Variants in GABPA observed in about 807,000 individuals in gnomAD.
The protein encoded by GABPA is GA binding protein transcription factor subunit alpha, also known as GA-binding protein alpha chain.
GABPA carries 4 observed loss-of-function variants against 59.4 expected under a neutral mutation model. The ratio of observed to expected loss-of-function variants is 0.07; its 90% CI spans 0.03 to 0.15. GABPA has a LOEUF of 0.15. Among genes scored for constraint, GABPA ranks in the 10% least tolerant of loss-of-function variants. The pLI, the probability that GABPA is intolerant of heterozygous loss-of-function variation, is 1.00. For synonymous variants in GABPA, 164 were observed against 183.1 expected, an observed-to-expected ratio of 0.90 and a Z score of 0.84; for missense variants, 251 against 543.8, an observed-to-expected ratio of 0.46 and a Z score of 5.36.
intron 1 of GABPA, among the ~76,000 whole-genome samples, chr21:25,739,178 T>C (rs1339262612): frequency 1.3e-5 from 2 of 152,182 alleles, no homozygotes; most frequent in Non-Finnish European, 2.9e-5. Context: ...AATTAGATCA[T>C]TTTGTATCAG....
intron 6 of GABPA, among the ~76,000 whole-genome samples, chr21:25,761,266 A>G (rs1298141640): frequency 6.6e-6 from 1 of 152,194 alleles, no homozygotes. Context: ...CTCATGAGGC[A>G]GTAAGTATAG....
At chr21:25,759,190 C>T (rs539938840) in intron 6 of GABPA, among the ~76,000 whole-genome samples, 8 of 152,256 alleles carry the variant, frequency 5.3e-5, no homozygotes, top group South Asian at 4.1e-4. Context: ...GTTAAGACAC[C>T]GAAAGCAACC....
At chr21:25,739,065 C>T (rs2035152207) in intron 1 of GABPA, among the ~76,000 whole-genome samples, 1 of 152,258 alleles carries the variant, frequency 6.6e-6, no homozygotes, top group Admixed American at 6.5e-5. Context: ...GGAGCCTGCG[C>T]AGTCTGCTCC....
In GABPA at chr21:25,767,899, A is replaced by G. The variant is rs763235299; in HGVS notation, c.1137-1105A>G. ...TGTATATAGGTCAGTCCTTTCATTA[A>G]TAGACTCTTGATTAAGCCAAGTGAC... On this transcript the variant is annotated intron_variant, in intron 9 of 9. Transcript: ENST00000400075. 2.0e-5 allele frequency among the ~76,000 whole-genome samples: 3 copies of G among 152,256 alleles called. No individual in the cohort carries two copies. In the South Asian group the frequency reaches 6.2e-4, roughly 32 times the overall value.
At position 25,770,837 on chromosome 21, in the gene GABPA, C is replaced by G. The variant is rs529512419; in HGVS notation, c.*1605C>G. 6.6e-6 allele frequency: 1 copy of G among 152,016 alleles called. No individual in the cohort carries two copies. The highest frequency in any genetic ancestry group is 1.5e-5 in the Non-Finnish European group (1 of 67,892). The allele number at this position is 152,016 out of a possible 1,614,324, so 9.4% of individuals were successfully genotyped here. ...ATCTCTTTCTCTGGTAATCTTAATGCATAATTTTACTAAAACATGTTCTCA... is the reference window on the plus strand; with the variant it reads ...ATCTCTTTCTCTGGTAATCTTAATGGATAATTTTACTAAAACATGTTCTCA... On this transcript the variant is annotated 3_prime_UTR_variant, in exon 10 of 10. Coordinates refer to ENST00000400075, the MANE Select transcript of GABPA (RefSeq NM_002040.4).
At chr21:25,744,322 T>C (rs1568940966) in intron 2 of GABPA, among the ~76,000 whole-genome samples, 1 of 152,042 alleles carries the variant, frequency 6.6e-6, no homozygotes, top group Admixed American at 6.6e-5. Context: ...AGGGAGACTC[T>C]CTCTAAAATT....
chr21:25,745,421 CT>C, intron 3 of GABPA, 67 bp downstream of exon 3: 1 of 1,452,340 alleles, frequency 6.9e-7, no homozygotes, highest in Admixed American at 1.8e-5. Context: ...TTTTGTTAGC[CT>C]TTTCTTTATA....
intron 9 of GABPA, among the ~76,000 whole-genome samples, chr21:25,765,026 C>G (rs1432972521): frequency 2.0e-5 from 3 of 150,808 alleles, no homozygotes; most frequent in Non-Finnish European, 3.0e-5. Context: ...CTATAATACT[C>G]TGTCCCAAAA....
chr21:25,741,479 C>T (rs140725453), intron 1 of GABPA, 94 bp from the exon 2 acceptor site: 8 of 502,008 alleles, frequency 1.6e-5, no homozygotes, highest in Middle Eastern at 5.4e-4. Flanking sequence ...TTCTGCTTGG[C>T]GTTTGCTTTT....
intron 3 of GABPA, among the ~76,000 whole-genome samples, chr21:25,745,989 T>G (rs576705271): frequency 2.0e-5 from 3 of 151,868 alleles, no homozygotes; most frequent in Admixed American, 6.6e-5. Flanking sequence ...AAACATATGA[T>G]TAAATACTAG....
intron 1 of GABPA, among the ~76,000 whole-genome samples, chr21:25,736,631 C>T (rs907106111): frequency 5.3e-5 from 8 of 152,150 alleles, no homozygotes; most frequent in African/African-American, 1.9e-4. Context: ...TAGGTTGAAG[C>T]AAATCATCAG....
At chr21:25,751,231 T>G (rs1423473359) in intron 4 of GABPA, among the ~76,000 whole-genome samples, 1 of 149,936 alleles carries the variant, frequency 6.7e-6, no homozygotes, top group Non-Finnish European at 1.5e-5. Flanking sequence ...TTTCTTGGCT[T>G]AATTATAATT....
intron 2 of GABPA, 68 bp downstream of exon 2, chr21:25,741,743 G>A (rs2035226375): frequency 1.0e-6 from 1 of 981,898 alleles, no homozygotes; most frequent in Non-Finnish European, 1.6e-6. Flanking sequence ...CAGGAAACAA[G>A]TCATAGTTCT....
In GABPA at chr21:25,764,753, A is replaced by G; in HGVS notation, c.1102A>G (p.Thr368Ala). 2 of 1,603,298 alleles carry G rather than the reference A, an allele frequency of 1.2e-6. No individual in the cohort carries two copies. The highest frequency in any genetic ancestry group is 8.5e-7 in the Non-Finnish European group (1 of 1,176,896). ...ATGGGGACAGCGTAAAAATAAGCCT[A>G]CGATGAACTATGAGAAACTCAGTCG... ...QKWGQRKNKPTMNYEKLSRAL... is the reference protein window; with the variant it reads ...QKWGQRKNKPAMNYEKLSRAL... Residue 368 changes from threonine to alanine, a missense_variant, in exon 9 of 10, where the codon ACG (threonine) becomes GCG (alanine). Coordinates refer to ENST00000400075, the MANE Select transcript of GABPA (RefSeq NM_002040.4).
At chr21:25,760,486 A>T (rs953458317) in intron 6 of GABPA, among the ~76,000 whole-genome samples, 2 of 152,032 alleles carry the variant, frequency 1.3e-5, no homozygotes, top group African/African-American at 4.8e-5. Context: ...GTATGAGATT[A>T]TTCACCTGAG....
chr21:25,751,250 T>C (rs1398259888), intron 4 of GABPA, among the ~76,000 whole-genome samples: 2 of 119,222 alleles, frequency 1.7e-5, no homozygotes, highest in African/African-American at 6.4e-5. Context: ...TTTAATTAGG[T>C]ATAATCAAAT....
chr21:25,737,513 G>GT (rs1198147214), intron 1 of GABPA, among the ~76,000 whole-genome samples: 6 of 151,462 alleles, frequency 4.0e-5, no homozygotes, highest in Admixed American at 2.6e-4. Flanking sequence ...GTTTTGTTTT[G>GT]TTTTTTCTCT....
In GABPA at chr21:25,744,370, A is replaced by G. The variant is rs568314385; in HGVS notation, c.78-840A>G. ...AATATTTTAGAAAAAAGTTTAAGCT[A>G]TATACATTCATTGAATATCATGTAT... On this transcript the variant is annotated intron_variant, in intron 2 of 9. Transcript: ENST00000400075. Among the ~76,000 whole-genome samples, 13 of 152,274 alleles carry G rather than the reference A, an allele frequency of 8.5e-5. No individual in the cohort carries two copies. In the South Asian group the frequency reaches 1.9e-3, roughly 22 times the overall value.
intron 3 of GABPA, among the ~76,000 whole-genome samples, chr21:25,748,600 T>C (rs1385423485): frequency 1.3e-5 from 2 of 152,124 alleles, no homozygotes; most frequent in Non-Finnish European, 2.9e-5. Context: ...TAAACCCTTA[T>C]CTTCAATATG....
Sources: gnomAD v4.1 joint callset for allele counts (sites outside exome capture counted in the v4.1 genomes callset) on GRCh38, gnomAD v4.1.1 for gene constraint, MANE v1.5 for transcripts, NCBI Gene and HGNC (gene_info 2026-07-23, HGNC 2026-07-21) for gene names.